Variants in LUZP2 observed in about 807,000 individuals in gnomAD.
The protein encoded by LUZP2 is leucine zipper protein 2.
In LUZP2, 52 loss-of-function variants were observed where a neutral mutation model predicts 51.6. The ratio of observed to expected loss-of-function variants is 1.01; its 90% CI spans 0.81 to 1.27. The LOEUF (loss-of-function observed/expected upper bound fraction) is 1.27, where lower values mean the gene tolerates loss of function less well. LUZP2 is among the 50% of genes most tolerant of loss of function. The probability of loss-of-function intolerance (pLI) is 0.00; values close to 1 mark genes in which losing one functional copy is unlikely to be tolerated. For synonymous variants in LUZP2, 154 were observed against 137.3 expected (o/e 1.12, Z -0.85); for missense variants, 436 against 395.4 (o/e 1.10, Z -0.87).
At chr11:24,955,515 A>G (rs1189146395) in intron 7 of LUZP2, among the ~76,000 whole-genome samples, 1 of 152,054 alleles carries the variant, frequency 6.6e-6, no homozygotes, top group African/African-American at 2.4e-5. Context: ...TGGAATGAAA[A>G]ATATAATAAA....
chr11:24,718,652 C>G (rs1409152758), intron 1 of LUZP2, among the ~76,000 whole-genome samples: 1 of 152,126 alleles, frequency 6.6e-6, no homozygotes, highest in African/African-American at 2.4e-5. Context: ...TATCAAACAA[C>G]ATTTTTTCAG....
chr11:24,537,956 G>C (rs185756153), intron 1 of LUZP2, among the ~76,000 whole-genome samples: 230 of 151,930 alleles, frequency 1.5e-3, no homozygotes, highest in African/African-American at 5.3e-3. Context: ...AGCTATTTGT[G>C]TTGCTTGTTT....
intron 5 of LUZP2, among the ~76,000 whole-genome samples, chr11:24,878,967 T>TTTTA (rs35632267): frequency 0.48 from 72,165 of 149,674 alleles, 17,878 homozygotes; most frequent in East Asian, 0.69. Flanking sequence ...TTATTTATAT[T>TTTTA]TTTATTTATT....
chr11:24,928,270 A>G (rs1410235602), intron 7 of LUZP2, among the ~76,000 whole-genome samples: 2 of 152,082 alleles, frequency 1.3e-5, no homozygotes, highest in Non-Finnish European at 2.9e-5. Flanking sequence ...TTCCAGTACT[A>G]TGTTCAGTAG....
intron 1 of LUZP2, among the ~76,000 whole-genome samples, chr11:24,718,367 C>G (rs1319286820): frequency 6.6e-6 from 1 of 152,196 alleles, no homozygotes; most frequent in African/African-American, 2.4e-5. Context: ...TCAAATGAAG[C>G]TAGCAGTCTT....
intron 9 of LUZP2, among the ~76,000 whole-genome samples, chr11:25,013,808 T>C (rs892129565): frequency 7.2e-5 from 11 of 152,104 alleles, no homozygotes; most frequent in Non-Finnish European, 8.8e-5. Context: ...TGCAGGTTTG[T>C]TACATATGTA....
intron 10 of LUZP2, among the ~76,000 whole-genome samples, chr11:25,068,028 A>G (rs1859046494): frequency 6.6e-6 from 1 of 152,042 alleles, no homozygotes; most frequent in African/African-American, 2.4e-5. Flanking sequence ...ACATAGATGA[A>G]GCTGGAAACC....
chr11:25,058,089 T>C (rs1392501384), intron 10 of LUZP2, among the ~76,000 whole-genome samples: 1 of 151,632 alleles, frequency 6.6e-6, no homozygotes, highest in African/African-American at 2.4e-5. Flanking sequence ...ACTGTCATTC[T>C]GGGCTACATT....
intron 9 of LUZP2, among the ~76,000 whole-genome samples, chr11:25,001,878 T>G (rs1172667492): frequency 6.6e-6 from 1 of 152,124 alleles, no homozygotes; most frequent in African/African-American, 2.4e-5. Flanking sequence ...TCTTTCTCTC[T>G]TTCCTTTCTG....
intron 7 of LUZP2, among the ~76,000 whole-genome samples, chr11:24,938,330 C>T (rs1320132826): frequency 6.6e-6 from 1 of 152,014 alleles, no homozygotes; most frequent in East Asian, 1.9e-4. Context: ...TGCAGTTGAC[C>T]ATTTGTCTGG....
chr11:24,676,708 G>T (rs367637495), intron 1 of LUZP2, among the ~76,000 whole-genome samples: 4 of 151,930 alleles, frequency 2.6e-5, no homozygotes, highest in African/African-American at 9.7e-5. Context: ...CTGTCACCCA[G>T]GCTGGAGTGC....
At chr11:24,965,614 T>C (rs76667409) in intron 7 of LUZP2, among the ~76,000 whole-genome samples, 1 of 151,854 alleles carries the variant, frequency 6.6e-6, no homozygotes, top group Non-Finnish European at 1.5e-5. Context: ...AAAGTGTCTG[T>C]CTAGTCATTA....
intron 5 of LUZP2, chr11:24,892,001 G>A (rs1377200391): frequency 1.0e-6 from 1 of 985,478 alleles, no homozygotes; most frequent in Non-Finnish European, 1.2e-6. Flanking sequence ...CATGGGACTG[G>A]TAGTGCAGGC....
chr11:24,735,530 G>A (rs778541522), intron 3 of LUZP2, among the ~76,000 whole-genome samples: 5 of 151,764 alleles, frequency 3.3e-5, no homozygotes, highest in African/African-American at 7.3e-5. Flanking sequence ...TAATGTTCTC[G>A]AAAACTAAAA....
intron 1 of LUZP2, among the ~76,000 whole-genome samples, chr11:24,658,945 A>G (rs1855914512): frequency 1.3e-5 from 2 of 152,204 alleles, no homozygotes; most frequent in Admixed American, 1.3e-4. Flanking sequence ...GGATGTGGAG[A>G]AATAGGAACA....
chr11:24,942,890 C>T (rs992063388), intron 7 of LUZP2, among the ~76,000 whole-genome samples: 5 of 152,120 alleles, frequency 3.3e-5, no homozygotes, highest in East Asian at 1.9e-4. Flanking sequence ...CCTGAATTTA[C>T]GTTTTATATA....
intron 1 of LUZP2, among the ~76,000 whole-genome samples, chr11:24,680,221 CCTT>C (rs1856688169): frequency 6.6e-6 from 1 of 152,212 alleles, no homozygotes; most frequent in South Asian, 2.1e-4. Context: ...TTGCTAATGT[CCTT>C]CTGGCAGAAA....
chr11:25,048,888 T>C (rs1858401370), intron 9 of LUZP2, among the ~76,000 whole-genome samples: 1 of 152,010 alleles, frequency 6.6e-6, no homozygotes, highest in Non-Finnish European at 1.5e-5. Context: ...TGACTTTATA[T>C]AGGATCAGTT....
At chr11:24,892,488 T>C (rs1039300674) in intron 5 of LUZP2, 22 of 712,804 alleles carry the variant, frequency 3.1e-5, no homozygotes, top group Non-Finnish European at 3.6e-5. Context: ...ATTAATAGCC[T>C]ATTTCTCTTC....
Sources: allele counts gnomAD v4.1 joint callset (sites outside exome capture counted in the v4.1 genomes callset), GRCh38; gene constraint gnomAD v4.1.1; transcripts MANE v1.5; gene names NCBI Gene and HGNC (gene_info 2026-07-23, HGNC 2026-07-21).